Variants in C18orf63 observed in about 807,000 individuals in gnomAD.
C18orf63 encodes the protein uncharacterized protein C18orf63.
A neutral mutation model predicts 75.3 loss-of-function variants in C18orf63; 50 were observed. The ratio of observed to expected loss-of-function variants is 0.66; its 90% CI spans 0.53 to 0.84. The LOEUF is 0.84. Among genes scored for constraint, C18orf63 ranks in the 40% least tolerant of loss-of-function variants. The pLI is 0.00. For missense variants in C18orf63, 732 were observed against 800.2 expected (o/e 0.91, Z 1.03); for synonymous variants, 232 against 267.6 (o/e 0.87, Z 1.30).
chr18:74,321,763 G>A (rs113369836), intron 3 of C18orf63, among the ~76,000 whole-genome samples: 41 of 151,958 alleles, frequency 2.7e-4, no homozygotes, highest in African/African-American at 9.7e-4. Context: ...TTTAAGCAAG[G>A]GCGATAAGAG....
At chr18:74,338,622 C>T (rs1386829297) in intron 7 of C18orf63, 93 bp from the exon 8 acceptor site, 2 of 473,354 alleles carry the variant, frequency 4.2e-6, no homozygotes, top group Non-Finnish European at 7.1e-6. Flanking sequence ...ACTTTATAAC[C>T]TACTGTGTGT....
intron 1 of C18orf63, 60 bp from the exon 2 acceptor site, chr18:74,317,774 G>T: frequency 1.1e-6 from 1 of 931,858 alleles, no homozygotes; most frequent in South Asian, 2.9e-5. Flanking sequence ...GTGCTGACTT[G>T]GTATTGGAAC....
chr18:74,319,581 C>A (rs1164012670), intron 2 of C18orf63, among the ~76,000 whole-genome samples: 1 of 152,042 alleles, frequency 6.6e-6, no homozygotes, highest in Non-Finnish European at 1.5e-5. Flanking sequence ...GTTTTAAGTT[C>A]ATTTGGCTGT....
intron 7 of C18orf63, among the ~76,000 whole-genome samples, chr18:74,331,238 C>T (rs576177786): frequency 6.6e-6 from 1 of 152,300 alleles, no homozygotes; most frequent in South Asian, 2.1e-4. Context: ...TTAGCACCCA[C>T]TTCTTGCCTC....
At chr18:74,346,570 C>G (rs1984579154) in intron 11 of C18orf63, among the ~76,000 whole-genome samples, 1 of 152,092 alleles carries the variant, frequency 6.6e-6, no homozygotes, top group African/African-American at 2.4e-5. Context: ...TTTGTCCAGA[C>G]ATAATATTTT....
chr18:74,339,362 A>G (rs1220243186), intron 8 of C18orf63, among the ~76,000 whole-genome samples: 4 of 152,148 alleles, frequency 2.6e-5, no homozygotes, highest in Non-Finnish European at 5.9e-5. Context: ...ACTTTTCCCT[A>G]AAGTCTAACA....
intron 6 of C18orf63, 129 bp downstream of exon 6, chr18:74,329,165 G>T: frequency 1.7e-6 from 1 of 581,854 alleles, no homozygotes; most frequent in Non-Finnish European, 3.1e-6. Flanking sequence ...AAGGTAGGTA[G>T]ATTGTTTGAG....
At chr18:74,335,559 A>G (rs1984377538) in intron 7 of C18orf63, among the ~76,000 whole-genome samples, 1 of 152,130 alleles carries the variant, frequency 6.6e-6, no homozygotes, top group Non-Finnish European at 1.5e-5. Context: ...TGTTTGGTGC[A>G]TTGAGATTAT....
At chr18:74,351,617 T>G (rs974178979) in intron 11 of C18orf63, among the ~76,000 whole-genome samples, 2 of 152,192 alleles carry the variant, frequency 1.3e-5, no homozygotes, top group African/African-American at 4.8e-5. Context: ...GATGCCAAAC[T>G]AAGCCAAGCC....
intron 11 of C18orf63, among the ~76,000 whole-genome samples, chr18:74,346,908 A>G (rs1047732798): frequency 6.6e-6 from 1 of 152,222 alleles, no homozygotes; most frequent in Non-Finnish European, 1.5e-5. Context: ...AATTCACTCA[A>G]TTTTGCAGAA....
chr18:74,330,874 A>G lies in C18orf63; in HGVS notation c.433A>G (p.Ile145Val). ...AAATATTTTATTTTCAGTATTAAAC[A>G]TCAATGTAACAGAAACTCAAGTTTG... is the stretch of plus-strand genomic sequence containing the variant. ...MGKQSAVVLNINVTETQVCLS... is the reference protein window; with the variant it reads ...MGKQSAVVLNVNVTETQVCLS... The change falls in exon 7 of 14, where the codon ATC (isoleucine) becomes GTC (valine). Residue 145 changes from isoleucine (I) to valine (V), a missense_variant. By Grantham distance (29) the Ile-to-Val change is conservative (BLOSUM62 3). Coordinates refer to ENST00000579455, the MANE Select transcript of C18orf63 (RefSeq NM_001174123.2). 1 of 1,374,022 alleles carries G rather than the reference A, an allele frequency of 7.3e-7. No homozygotes were observed. The highest frequency in any genetic ancestry group is 9.8e-7 in the Non-Finnish European group (1 of 1,018,356). 85.1% of individuals were successfully genotyped at this position (1,374,022 alleles called of 1,614,324 possible).
chr18:74,337,977 A>G (rs980892024), intron 7 of C18orf63, among the ~76,000 whole-genome samples: 2 of 152,138 alleles, frequency 1.3e-5, no homozygotes, highest in Admixed American at 1.3e-4. Flanking sequence ...TTGTTTCCCA[A>G]AAGATGTTAG....
At chr18:74,335,176 T>TA (rs1229333564) in intron 7 of C18orf63, among the ~76,000 whole-genome samples, 1 of 152,186 alleles carries the variant, frequency 6.6e-6, no homozygotes, top group Non-Finnish European at 1.5e-5. Context: ...GTCACTCACT[T>TA]TAGTAAAGAT....
rs1288856495 is a variant in C18orf63, at chr18:74,356,767, ATCTT to A, written c.*322_*325del. The A allele has an allele frequency of 6.6e-6, 1 of 152,230 alleles. No individual in the cohort carries two copies. The highest frequency in any genetic ancestry group is 1.5e-5 in the Non-Finnish European group (1 of 68,034). The allele number at this position is 152,230 out of a possible 1,614,324, so 9.4% of individuals were successfully genotyped here. ...TACAGTAGTTTTGATAGTTGAAAAT[ATCTT>A]TATTTTGCCCTTATTGAAATTATCA... On this transcript the variant is annotated 3_prime_UTR_variant, in exon 14 of 14. Coordinates refer to ENST00000579455, the MANE Select transcript of C18orf63 (RefSeq NM_001174123.2).
Position 74,341,907 on chromosome 18 carries a change from G to A in C18orf63, c.612-125G>A. On this transcript the variant is annotated intron_variant, in intron 8 of 13. Transcript: ENST00000579455. ...ACGTGTTTGAAACTTGAGATGTTTA[G>A]TTTACTATATATAGCTAGTGAGATA... The A allele has an allele frequency of 5.5e-6, 3 of 544,342 alleles. No homozygotes were observed. In the East Asian group the frequency reaches 8.8e-5, roughly 16 times the overall value. The allele number at this position is 544,342 out of a possible 1,614,324, so 33.7% of individuals were successfully genotyped here. A position where few individuals can be genotyped will look rare whatever the true frequency, so the allele number is the denominator to read the frequency against.
rs1984802801 is a variant in C18orf63 at position 74,358,197 on chromosome 18, A to G, written c.*1750A>G. The stretch of plus-strand genomic sequence containing the variant: ...ATAAATAATCTTGATAGCCCCTCCT[A>G]TACTCCATTAGTGTCTAAAATTTAG... On this transcript the variant is annotated 3_prime_UTR_variant, in exon 14 of 14. Transcript: ENST00000579455. 1 of 152,114 alleles carries G rather than the reference A, an allele frequency of 6.6e-6. No homozygotes were observed. Among genetic ancestry groups the G allele is most frequent in the African/African-American group, 2.4e-5 (1 of 41,428 alleles). 9.4% of individuals were successfully genotyped at this position (152,114 alleles called of 1,614,324 possible).
Position 74,354,081 on chromosome 18 carries a change from A to G in C18orf63, c.1814A>G (p.Asp605Gly), listed in dbSNP as rs1984720921. The part of the protein sequence containing the change: ...HIFESDGETE[D>G]PRLLQQQSEN... The stretch of plus-strand genomic sequence containing the variant: ...TTTGAATCAGATGGAGAAACCGAAG[A>G]TCCACGACTGCTACAGCAGCAATCA... The change falls in exon 12 of 14, where the codon GAT becomes GGT. Residue 605 changes from aspartate to glycine, a missense_variant. Physicochemically the swap from Asp to Gly is moderately conservative, Grantham distance 94. Coordinates refer to ENST00000579455, the MANE Select transcript of C18orf63 (RefSeq NM_001174123.2). 5 of 1,536,316 alleles carry G rather than the reference A, an allele frequency of 3.3e-6. No homozygotes were observed. The highest frequency in any genetic ancestry group is 4.4e-6 in the Non-Finnish European group (5 of 1,146,940).
chr18:74,337,779 C>G (rs1244281713), intron 7 of C18orf63, among the ~76,000 whole-genome samples: 1 of 152,078 alleles, frequency 6.6e-6, no homozygotes, highest in Non-Finnish European at 1.5e-5. Flanking sequence ...TTCTGCTCTT[C>G]CCTGCTCCTC....
At chr18:74,335,992 A>G (rs1380222721) in intron 7 of C18orf63, among the ~76,000 whole-genome samples, 4 of 152,120 alleles carry the variant, frequency 2.6e-5, no homozygotes, top group African/African-American at 9.7e-5. Flanking sequence ...ATTGGAGATA[A>G]TGATATCCCT....
Sources: allele counts gnomAD v4.1 joint callset (sites outside exome capture counted in the v4.1 genomes callset), GRCh38; gene constraint gnomAD v4.1.1; transcripts MANE v1.5; gene names NCBI Gene and HGNC (gene_info 2026-07-23, HGNC 2026-07-21).